NRXN3: variants seen among roughly 807,000 people sequenced by gnomAD.
NRXN3 encodes the protein neurexin III.
Under a neutral mutation model 137.6 loss-of-function variants are expected in NRXN3, and 32 were observed. The ratio of observed to expected loss-of-function variants is 0.23; its 90% CI spans 0.18 to 0.31. The LOEUF (loss-of-function observed/expected upper bound fraction) is 0.31, where lower values mean the gene tolerates loss of function less well. Among genes scored for constraint, NRXN3 ranks in the 10% least tolerant of loss-of-function variants. The pLI is 1.00. For synonymous variants in NRXN3, 798 were observed against 784.5 expected (o/e 1.02, Z -0.29); for missense variants, 1,574 against 2,062.5 (o/e 0.76, Z 4.59).
intron 15 of NRXN3, among the ~76,000 whole-genome samples, chr14:79,333,120 A>T (rs1458618496): frequency 6.6e-6 from 1 of 152,104 alleles, no homozygotes; most frequent in Non-Finnish European, 1.5e-5. Context: ...TTTCTTTGGT[A>T]ATTTAAGCAC....
chr14:79,536,242 A>C (rs1160436921), intron 16 of NRXN3, among the ~76,000 whole-genome samples: 5 of 152,180 alleles, frequency 3.3e-5, no homozygotes, highest in Non-Finnish European at 7.3e-5. Flanking sequence ...AAGAAAGAGG[A>C]GTACACAGAG....
At chr14:79,519,768 CT>C (rs200757761) in intron 16 of NRXN3, among the ~76,000 whole-genome samples, 6,869 of 119,320 alleles carry the variant, frequency 0.058, 312 homozygotes, top group East Asian at 0.19. Context: ...AATAGTATTT[CT>C]TTTTTTTTTT....
chr14:79,013,991 C>T (rs1266416213), intron 15 of NRXN3, among the ~76,000 whole-genome samples: 1 of 152,180 alleles, frequency 6.6e-6, no homozygotes, highest in Non-Finnish European at 1.5e-5. Context: ...AAAGGTTCTT[C>T]TCTAAGACTT....
intron 4 of NRXN3, among the ~76,000 whole-genome samples, chr14:78,371,240 G>A (rs1189034500): frequency 3.9e-5 from 6 of 152,160 alleles, no homozygotes; most frequent in South Asian, 4.1e-4. Flanking sequence ...GTGGCTGAAC[G>A]TAGAGAGGAG....
At chr14:79,504,641 T>TATATATA (rs1555491923) in intron 16 of NRXN3, among the ~76,000 whole-genome samples, 3 of 97,888 alleles carry the variant, frequency 3.1e-5, no homozygotes, top group Non-Finnish European at 4.4e-5. Context: ...ATGAAGTTTT[T>TATATATA]TATATATATA....
At chr14:78,246,324 T>G (rs1309922337) in intron 2 of NRXN3, among the ~76,000 whole-genome samples, 1 of 152,230 alleles carries the variant, frequency 6.6e-6, no homozygotes, top group East Asian at 1.9e-4. Flanking sequence ...CAGAGCAGAT[T>G]GTGTGCCATT....
chr14:79,152,728 T>A (rs1262582147), intron 15 of NRXN3, among the ~76,000 whole-genome samples: 2 of 152,000 alleles, frequency 1.3e-5, no homozygotes, highest in Non-Finnish European at 2.9e-5. Context: ...CACAATTAAG[T>A]TATCTCACCC....
chr14:78,981,803 C>T (rs559938756), intron 14 of NRXN3, among the ~76,000 whole-genome samples: 1 of 152,096 alleles, frequency 6.6e-6, no homozygotes, highest in South Asian at 2.1e-4. Context: ...GGTTTTTCTC[C>T]CCCAAGACAT....
At chr14:78,373,916 A>G (rs960292088) in intron 4 of NRXN3, among the ~76,000 whole-genome samples, 7 of 152,190 alleles carry the variant, frequency 4.6e-5, no homozygotes, top group African/African-American at 1.4e-4. Flanking sequence ...TACCAGAATA[A>G]TATTTGCCAT....
At chr14:78,173,708 G>GTTTTTTTTTTTTTTTTTTT (rs1296589683) in intron 1 of NRXN3, among the ~76,000 whole-genome samples, 2 of 8,990 alleles carry the variant, frequency 2.2e-4, no homozygotes, top group Non-Finnish European at 4.8e-4. Context: ...CTTTTTCCTT[G>GTTTTTTTTTTTTTTTTTTT]CTTTTTTTTT....
intron 19 of NRXN3, among the ~76,000 whole-genome samples, chr14:79,784,778 C>G (rs1420610298): frequency 6.6e-6 from 1 of 151,990 alleles, no homozygotes; most frequent in Non-Finnish European, 1.5e-5. Context: ...CTTTATTCTT[C>G]TTTTGTTATT....
intron 1 of NRXN3, among the ~76,000 whole-genome samples, chr14:78,217,140 A>T (rs1036550792): frequency 2.0e-5 from 3 of 152,168 alleles, no homozygotes; most frequent in African/African-American, 7.2e-5. Context: ...TTTAAAAATT[A>T]CCCTTTTAAT....
chr14:79,244,461 C>T lies in NRXN3; in HGVS notation c.3263-222760C>T, dbSNP rs145162481. ...CCAGTTCAGCCTCATAACGCGTGAACGTTATTTATCTTGAATGCTGCAAAT... is the reference window on the plus strand; with the variant it reads ...CCAGTTCAGCCTCATAACGCGTGAATGTTATTTATCTTGAATGCTGCAAAT... On this transcript the variant is annotated intron_variant, in intron 15 of 20. Transcript: ENST00000335750. 1.9e-3 allele frequency among the ~76,000 whole-genome samples: 293 copies of T among 152,164 alleles called. 1 individual carries two copies. The highest frequency in any genetic ancestry group is 6.8e-3 in the African/African-American group (281 of 41,520).
intron 1 of NRXN3, among the ~76,000 whole-genome samples, chr14:78,200,911 G>A (rs2061618108): frequency 6.6e-6 from 1 of 152,056 alleles, no homozygotes; most frequent in African/African-American, 2.4e-5. Flanking sequence ...CTAGGTTCTG[G>A]CCCTACTGTG....
intron 4 of NRXN3, among the ~76,000 whole-genome samples, chr14:78,400,812 C>G (rs2091975758): frequency 6.6e-6 from 1 of 152,166 alleles, no homozygotes; most frequent in Non-Finnish European, 1.5e-5. Context: ...GATAGATTAT[C>G]ATGATTAATC....
intron 16 of NRXN3, among the ~76,000 whole-genome samples, chr14:79,613,994 A>T (rs1031379898): frequency 1.3e-5 from 2 of 152,242 alleles, no homozygotes; most frequent in African/African-American, 4.8e-5. Context: ...GAATATCAGT[A>T]TCAAAAGGTC....
chr14:79,653,305 A>G (rs1394174887), intron 16 of NRXN3, among the ~76,000 whole-genome samples: 2 of 152,162 alleles, frequency 1.3e-5, no homozygotes, highest in East Asian at 1.9e-4. Context: ...TTGGGCTGCA[A>G]TGCTATTCTC....
chr14:78,646,176 G>C (rs962879029), intron 5 of NRXN3, among the ~76,000 whole-genome samples: 2 of 152,140 alleles, frequency 1.3e-5, no homozygotes, highest in African/African-American at 4.8e-5. Context: ...TTCTAAGCAG[G>C]CACCTCCGTC....
chr14:79,417,369 T>C (rs1299995536), intron 15 of NRXN3, among the ~76,000 whole-genome samples: 1 of 152,188 alleles, frequency 6.6e-6, no homozygotes, highest in Non-Finnish European at 1.5e-5. Context: ...AAGATGTTTA[T>C]TCATTTTTCT....
Sources: gnomAD v4.1 joint callset for allele counts (sites outside exome capture counted in the v4.1 genomes callset) on GRCh38, gnomAD v4.1.1 for gene constraint, MANE v1.5 for transcripts, NCBI Gene and HGNC (gene_info 2026-07-23, HGNC 2026-07-21) for gene names.